The following GLIS3 variants were observed in gnomAD, a reference collection of about 807,000 sequenced individuals.
The protein encoded by GLIS3 is zinc finger protein GLIS3.
A neutral mutation model predicts 78.6 loss-of-function variants in GLIS3; 53 were observed. That is an observed-to-expected ratio of 0.67 (90% CI 0.54 to 0.85). The LOEUF (loss-of-function observed/expected upper bound fraction) is 0.85, where lower values mean the gene tolerates loss of function less well. Among genes scored for constraint, GLIS3 ranks in the 40% least tolerant of loss-of-function variants. The pLI, the probability that GLIS3 is intolerant of heterozygous loss-of-function variation, is 0.00. For synonymous variants in GLIS3, 684 were observed against 509.9 expected (o/e 1.34, Z -4.60); for missense variants, 1,703 against 1,231.1 (o/e 1.38, Z -5.74).
the GLIS3 span, among the ~76,000 whole-genome samples, chr9:4,380,756 G>A: frequency 6.6e-6 from 1 of 152,190 alleles, no homozygotes; most frequent in South Asian, 2.1e-4. Flanking sequence ...AAGTACGAAA[G>A]AAACTGGTAG....
At chr9:4,306,533 C>G (rs1378658125) in intron 4 of GLIS3, among the ~76,000 whole-genome samples, 2 of 152,104 alleles carry the variant, frequency 1.3e-5, no homozygotes, top group Admixed American at 1.3e-4. Flanking sequence ...AAATGTTGCC[C>G]CAGAATTCAG....
intron 1 of GLIS3, among the ~76,000 whole-genome samples, chr9:4,299,119 C>T (rs943754464): frequency 2.6e-5 from 4 of 152,104 alleles, no homozygotes; most frequent in African/African-American, 7.2e-5. Context: ...TCCGAATTAG[C>T]GCAACTTTAA....
chr9:4,183,013 G>A (rs903956520), intron 2 of GLIS3, among the ~76,000 whole-genome samples: 7 of 152,210 alleles, frequency 4.6e-5, no homozygotes, highest in Non-Finnish European at 1.0e-4. Flanking sequence ...TCGCAGTGAA[G>A]GATGGTTATG....
At chr9:3,843,756 G>C (rs1450754916) in intron 9 of GLIS3, among the ~76,000 whole-genome samples, 1 of 152,108 alleles carries the variant, frequency 6.6e-6, no homozygotes, top group East Asian at 1.9e-4. Context: ...AAGAACCTTG[G>C]GTAATTATTT....
the GLIS3 span, among the ~76,000 whole-genome samples, chr9:4,436,813 A>T: frequency 5.3e-4 from 53 of 100,552 alleles, no homozygotes; most frequent in African/African-American, 1.7e-3. Flanking sequence ...TGCATCTCAA[A>T]AAAAAAAAAA....
intron 2 of GLIS3, among the ~76,000 whole-genome samples, chr9:4,139,968 A>G (rs1173879318): frequency 6.6e-6 from 1 of 152,186 alleles, no homozygotes; most frequent in African/African-American, 2.4e-5. Flanking sequence ...AATATAAATC[A>G]ATGGGACTTT....
At chr9:4,358,081 G>C in the GLIS3 span, among the ~76,000 whole-genome samples, 1 of 152,132 alleles carries the variant, frequency 6.6e-6, no homozygotes, top group Non-Finnish European at 1.5e-5. Flanking sequence ...GGGCAGAACA[G>C]TGTGTACAGT....
chr9:4,447,061 T>TA, the GLIS3 span, among the ~76,000 whole-genome samples: 2 of 152,042 alleles, frequency 1.3e-5, no homozygotes, highest in African/African-American at 4.8e-5. Flanking sequence ...TTTTTTTTTT[T>TA]AATAGAGACA....
At chr9:4,380,650 C>G in the GLIS3 span, among the ~76,000 whole-genome samples, 3,800 of 152,264 alleles carry the variant, frequency 0.025, 64 homozygotes, top group Non-Finnish European at 0.039. Context: ...AGCAAGCTAC[C>G]TGGCTGATTC....
the GLIS3 span, among the ~76,000 whole-genome samples, chr9:4,402,991 A>G: frequency 6.6e-6 from 1 of 152,212 alleles, no homozygotes; most frequent in Non-Finnish European, 1.5e-5. Context: ...AGCAGATTTA[A>G]CCCAAAGAAG....
At chr9:4,261,266 T>A (rs905746582) in intron 2 of GLIS3, among the ~76,000 whole-genome samples, 2 of 152,156 alleles carry the variant, frequency 1.3e-5, no homozygotes, top group African/African-American at 4.8e-5. Context: ...CCCAATTCAA[T>A]GTGAGCAGCT....
chr9:4,221,827 GC>G (rs1440774103), intron 2 of GLIS3, among the ~76,000 whole-genome samples: 1 of 152,192 alleles, frequency 6.6e-6, no homozygotes, highest in South Asian at 2.1e-4. Flanking sequence ...TAAAAATCTT[GC>G]CTTTCAGGCC....
intron 2 of GLIS3, among the ~76,000 whole-genome samples, chr9:4,229,565 G>C (rs981574852): frequency 6.6e-6 from 1 of 152,180 alleles, no homozygotes; most frequent in African/African-American, 2.4e-5. Flanking sequence ...ACATTTAAAA[G>C]TGCCCTGAAG....
intron 4 of GLIS3, among the ~76,000 whole-genome samples, chr9:4,016,167 G>C (rs972985755): frequency 2.0e-5 from 3 of 152,100 alleles, no homozygotes; most frequent in African/African-American, 7.2e-5. Flanking sequence ...AAAGTAAACT[G>C]AGTGAGTGAA....
chr9:4,227,958 A>G (rs1410352653), intron 2 of GLIS3, among the ~76,000 whole-genome samples: 5 of 152,268 alleles, frequency 3.3e-5, no homozygotes, highest in Admixed American at 6.5e-5. Flanking sequence ...GGGATCACAT[A>G]ATTTGTTGGG....
chr9:4,278,925 A>G (rs1390951448), intron 2 of GLIS3, among the ~76,000 whole-genome samples: 1 of 152,232 alleles, frequency 6.6e-6, no homozygotes, highest in Non-Finnish European at 1.5e-5. Flanking sequence ...TTCTTGTCAA[A>G]AATATTTAAC....
intron 2 of GLIS3, among the ~76,000 whole-genome samples, chr9:4,277,839 G>C (rs7035948): frequency 0.37 from 55,628 of 151,960 alleles, 10,528 homozygotes; most frequent in South Asian, 0.49. Context: ...GCATTTCTAC[G>C]AGTCAAATTA....
chr9:3,933,551 GT>G (rs1825737370), intron 5 of GLIS3, among the ~76,000 whole-genome samples: 1 of 152,232 alleles, frequency 6.6e-6, no homozygotes, highest in African/African-American at 2.4e-5. Context: ...GATTAACTGT[GT>G]TTATAACATA....
chr9:4,017,136 C>G (rs892465224), intron 4 of GLIS3, among the ~76,000 whole-genome samples: 5 of 152,196 alleles, frequency 3.3e-5, no homozygotes, highest in African/African-American at 7.2e-5. Context: ...TCCCACCACA[C>G]TGCCACCCAG....
Sources: gnomAD v4.1 joint callset for allele counts (sites outside exome capture counted in the v4.1 genomes callset) on GRCh38, gnomAD v4.1.1 for gene constraint, MANE v1.5 for transcripts, NCBI Gene and HGNC (gene_info 2026-07-23, HGNC 2026-07-21) for gene names.